Variants in FARS2 observed in about 807,000 individuals in gnomAD.
FARS2 encodes phenylalanyl-tRNA synthetase 2, mitochondrial, also known as phenylalanine--tRNA ligase, mitochondrial.
FARS2 carries 40 observed loss-of-function variants against 46.4 expected under a neutral mutation model. The observed-to-expected ratio is 0.86, with a 90% CI of 0.67 to 1.12. The LOEUF (loss-of-function observed/expected upper bound fraction) is 1.12. Among genes scored for constraint, FARS2 ranks in the 50% most tolerant of loss-of-function variants. The pLI is 0.00. For missense variants in FARS2, 513 were observed against 567.9 expected, an observed-to-expected ratio of 0.90 and a Z score of 0.98; for synonymous variants, 234 against 214.9, an observed-to-expected ratio of 1.09 and a Z score of -0.78.
intron 4 of FARS2, among the ~76,000 whole-genome samples, chr6:5,457,401 C>T (rs1047482346): frequency 4.6e-5 from 7 of 152,178 alleles, no homozygotes; most frequent in Non-Finnish European, 8.8e-5. Context: ...TCCACAGCTG[C>T]GGGGGAAGGG....
intron 5 of FARS2, among the ~76,000 whole-genome samples, chr6:5,584,138 C>CACACACACACACACACAA (rs1773488847): frequency 6.6e-6 from 1 of 151,394 alleles, no homozygotes; most frequent in Non-Finnish European, 1.5e-5. Context: ...CACACACACA[C>CACACACACACACACACAA]ACACTCCTTG....
chr6:5,601,416 C>A (rs1774506851), intron 5 of FARS2, among the ~76,000 whole-genome samples: 1 of 151,016 alleles, frequency 6.6e-6, no homozygotes, highest in Non-Finnish European at 1.5e-5. Context: ...CCCAGCTACT[C>A]AGGAGCCTGA....
intron 2 of FARS2, among the ~76,000 whole-genome samples, chr6:5,372,967 A>T (rs529541130): frequency 6.6e-6 from 1 of 152,256 alleles, no homozygotes; most frequent in South Asian, 2.1e-4. Context: ...AATATCCCCA[A>T]ATCTTACCAA....
At chr6:5,583,471 T>TA (rs1326427821) in intron 5 of FARS2, among the ~76,000 whole-genome samples, 2 of 152,190 alleles carry the variant, frequency 1.3e-5, no homozygotes, top group Non-Finnish European at 2.9e-5. Flanking sequence ...TATGGCAGCT[T>TA]AAAATCTTCC....
intron 6 of FARS2, among the ~76,000 whole-genome samples, chr6:5,729,307 T>C (rs1365131188): frequency 2.0e-5 from 3 of 152,142 alleles, no homozygotes; most frequent in Non-Finnish European, 2.9e-5. Flanking sequence ...ATCGTCAGTC[T>C]CTGGAGGTGT....
chr6:5,625,855 T>G (rs575236605), intron 6 of FARS2, among the ~76,000 whole-genome samples: 14 of 152,052 alleles, frequency 9.2e-5, no homozygotes, highest in African/African-American at 3.4e-4. Context: ...TCCGGAGAGG[T>G]GGGACTGGGC....
At chr6:5,483,976 C>G (rs756686025) in intron 4 of FARS2, among the ~76,000 whole-genome samples, 1 of 152,040 alleles carries the variant, frequency 6.6e-6, no homozygotes, top group Non-Finnish European at 1.5e-5. Flanking sequence ...CCCAGTAAAA[C>G]TTACAGGCAA....
At chr6:5,301,097 A>G (rs1737481840) in intron 1 of FARS2, among the ~76,000 whole-genome samples, 1 of 151,824 alleles carries the variant, frequency 6.6e-6, no homozygotes, top group Non-Finnish European at 1.5e-5. Context: ...GGGCTCTTGG[A>G]TCAATTGGTA....
chr6:5,372,589 A>G (rs1759128422), intron 2 of FARS2, among the ~76,000 whole-genome samples: 1 of 152,192 alleles, frequency 6.6e-6, no homozygotes. Context: ...AAAATGTTCC[A>G]TATTCTCAGA....
intron 4 of FARS2, among the ~76,000 whole-genome samples, chr6:5,524,762 G>T (rs1743765160): frequency 6.6e-6 from 1 of 152,192 alleles, no homozygotes; most frequent in South Asian, 2.1e-4. Context: ...GCCAGTAAAT[G>T]GTGTAGCCAG....
At chr6:5,461,563 T>C (rs546353044) in intron 4 of FARS2, among the ~76,000 whole-genome samples, 3 of 152,254 alleles carry the variant, frequency 2.0e-5, no homozygotes, top group Non-Finnish European at 4.4e-5. Flanking sequence ...CCACCTGTTC[T>C]ACTTCCTTTT....
At chr6:5,361,512 G>T (rs1758299487) in intron 1 of FARS2, among the ~76,000 whole-genome samples, 1 of 152,202 alleles carries the variant, frequency 6.6e-6, no homozygotes, top group African/African-American at 2.4e-5. Flanking sequence ...TTGCGCCAAT[G>T]ACACCCTCAC....
At chr6:5,424,887 A>G (rs1324398078) in intron 3 of FARS2, among the ~76,000 whole-genome samples, 1 of 152,198 alleles carries the variant, frequency 6.6e-6, no homozygotes, top group Non-Finnish European at 1.5e-5. Flanking sequence ...AATAGATGGA[A>G]TCATCAGATG....
At chr6:5,734,538 G>C (rs1760830672) in intron 6 of FARS2, among the ~76,000 whole-genome samples, 1 of 152,196 alleles carries the variant, frequency 6.6e-6, no homozygotes, top group African/African-American at 2.4e-5. Flanking sequence ...CATCAGATCA[G>C]AATCCCTCTC....
chr6:5,731,322 C>G (rs759318130), intron 6 of FARS2, among the ~76,000 whole-genome samples: 4 of 152,100 alleles, frequency 2.6e-5, no homozygotes, highest in Admixed American at 6.6e-5. Context: ...CTTCTTCCTC[C>G]TCTTTGTTTT....
At chr6:5,593,873 A>G (rs149101655) in intron 5 of FARS2, among the ~76,000 whole-genome samples, 1 of 152,242 alleles carries the variant, frequency 6.6e-6, no homozygotes, top group African/African-American at 2.4e-5. Context: ...CTATTGTTCA[A>G]ACACAATTAA....
intron 1 of FARS2, among the ~76,000 whole-genome samples, chr6:5,356,728 G>A (rs978987483): frequency 3.3e-5 from 5 of 151,854 alleles, no homozygotes; most frequent in African/African-American, 1.2e-4. Context: ...CCAGAGGCTC[G>A]CAGGAAACCA....
At chr6:5,415,097 G>A (rs550399293) in intron 3 of FARS2, among the ~76,000 whole-genome samples, 1 of 151,802 alleles carries the variant, frequency 6.6e-6, no homozygotes, top group African/African-American at 2.4e-5. Flanking sequence ...GATTACAGGC[G>A]TGAGCCACCG....
intron 2 of FARS2, among the ~76,000 whole-genome samples, chr6:5,378,192 C>G (rs1759503840): frequency 6.6e-6 from 1 of 152,004 alleles, no homozygotes; most frequent in East Asian, 1.9e-4. Flanking sequence ...TCGCCATTTC[C>G]TCATGGAGGG....
Sources: allele counts gnomAD v4.1 joint callset (sites outside exome capture counted in the v4.1 genomes callset), GRCh38; gene constraint gnomAD v4.1.1; transcripts MANE v1.5; gene names NCBI Gene and HGNC (gene_info 2026-07-23, HGNC 2026-07-21).